The following PIK3C2G variants were observed in gnomAD, a reference collection of about 807,000 sequenced individuals.
PIK3C2G encodes phosphatidylinositol 3-kinase C2 domain-containing subunit gamma.
Under a neutral mutation model 181.1 loss-of-function variants are expected in PIK3C2G, and 168 were observed. The ratio of observed to expected loss-of-function variants is 0.93; its 90% CI spans 0.82 to 1.05. PIK3C2G has a LOEUF of 1.05. Among genes scored for constraint, PIK3C2G ranks in the 50% least tolerant of loss-of-function variants. The pLI, the probability that PIK3C2G is intolerant of heterozygous loss-of-function variation, is 0.00. For missense variants in PIK3C2G, 1,869 were observed against 1,732.8 expected, an observed-to-expected ratio of 1.08 and a Z score of -1.40; for synonymous variants, 573 against 592.2, an observed-to-expected ratio of 0.97 and a Z score of 0.47.
At chr12:18,634,376 C>A (rs1318991433) in intron 31 of PIK3C2G, among the ~76,000 whole-genome samples, 1 of 152,200 alleles carries the variant, frequency 6.6e-6, no homozygotes, top group African/African-American at 2.4e-5. Context: ...TTGGAGGCAA[C>A]GTACTCCTCA....
chr12:18,418,692 G>A (rs113367593), intron 16 of PIK3C2G, among the ~76,000 whole-genome samples: 4 of 152,074 alleles, frequency 2.6e-5, no homozygotes, highest in African/African-American at 7.2e-5. Context: ...AACAGAACTC[G>A]GCAACTGATT....
chr12:18,719,518 A>C, the PIK3C2G span: 2 of 1,586,144 alleles, frequency 1.3e-6, no homozygotes, highest in Admixed American at 1.7e-5. Flanking sequence ...ATAATCATTT[A>C]ATGGATGAGT....
chr12:18,582,818 T>C (rs933281940), intron 29 of PIK3C2G, among the ~76,000 whole-genome samples: 3 of 151,918 alleles, frequency 2.0e-5, no homozygotes, highest in Non-Finnish European at 4.4e-5. Flanking sequence ...TTTTCTTTTT[T>C]ATGTGGGACC....
At chr12:18,674,790 A>G in the PIK3C2G span, among the ~76,000 whole-genome samples, 1 of 152,260 alleles carries the variant, frequency 6.6e-6, no homozygotes, top group African/African-American at 2.4e-5. Context: ...TGAAAGTGGT[A>G]TGGTATGACT....
intron 18 of PIK3C2G, among the ~76,000 whole-genome samples, chr12:18,472,283 T>G (rs1938533002): frequency 1.3e-5 from 2 of 152,206 alleles, no homozygotes; most frequent in African/African-American, 2.4e-5. Flanking sequence ...CATCACATCT[T>G]AGAAAGAAAA....
chr12:18,632,493 C>T (rs78391099), intron 31 of PIK3C2G, among the ~76,000 whole-genome samples: 132 of 152,178 alleles, frequency 8.7e-4, no homozygotes, highest in Middle Eastern at 3.4e-3. Context: ...ATATAGAAAA[C>T]AGATATGGAT....
At chr12:18,590,156 G>A (rs1010825322) in intron 29 of PIK3C2G, among the ~76,000 whole-genome samples, 1 of 147,480 alleles carries the variant, frequency 6.8e-6, no homozygotes, top group African/African-American at 2.5e-5. Context: ...ACAACCACTT[G>A]AGGAATTAAG....
At chr12:18,582,565 C>A (rs1467078812) in intron 29 of PIK3C2G, among the ~76,000 whole-genome samples, 1 of 152,176 alleles carries the variant, frequency 6.6e-6, no homozygotes, top group Admixed American at 6.5e-5. Flanking sequence ...CCTATACATA[C>A]ACCTAAGAAA....
chr12:18,725,308 G>A, the PIK3C2G span, among the ~76,000 whole-genome samples: 1 of 152,182 alleles, frequency 6.6e-6, no homozygotes, highest in Admixed American at 6.5e-5. Flanking sequence ...AAAGCAATAA[G>A]AAAGAAGGTG....
Position 18,293,919 on chromosome 12 carries a change from A to T in PIK3C2G, c.938A>T (p.Asp313Val). Reference protein sequence around the residue: ...FMPCANYLVKDLIAEILHFCT... With the variant: ...FMPCANYLVKVLIAEILHFCT... ...TCTTTAGCTAATTATCTTGTCAAAG[A>T]TCTAATTGCAGAAATTCTGCATTTT... Residue 313 changes from aspartate (D) to valine (V), a missense_variant, in exon 5 of 33, where the codon GAT (aspartate) becomes GTT (valine). Physicochemically the swap from Asp to Val is radical, Grantham distance 152. Transcript: ENST00000538779. The T allele has an allele frequency of 6.5e-7, 1 of 1,538,164 alleles. No individual in the cohort carries two copies.
the PIK3C2G span, among the ~76,000 whole-genome samples, chr12:18,726,306 A>G: frequency 6.6e-6 from 1 of 152,180 alleles, no homozygotes; most frequent in Non-Finnish European, 1.5e-5. Flanking sequence ...AAATAAGAGT[A>G]ATAAAATCAT....
At chr12:18,573,811 T>C (rs1027412039) in intron 29 of PIK3C2G, among the ~76,000 whole-genome samples, 5 of 152,186 alleles carry the variant, frequency 3.3e-5, no homozygotes, top group African/African-American at 1.2e-4. Context: ...CTCTCATAGG[T>C]TGCTATTGTA....
chr12:18,369,467 T>C (rs901201253), intron 12 of PIK3C2G, among the ~76,000 whole-genome samples: 3 of 149,768 alleles, frequency 2.0e-5, no homozygotes, highest in African/African-American at 7.4e-5. Flanking sequence ...TGACATATGA[T>C]CATATAACGA....
intron 29 of PIK3C2G, among the ~76,000 whole-genome samples, chr12:18,572,856 T>G (rs554619664): frequency 6.6e-6 from 1 of 152,188 alleles, no homozygotes; most frequent in Non-Finnish European, 1.5e-5. Context: ...CTTTTATCTG[T>G]GTTTAATATG....
chr12:18,460,997 G>A (rs768833064), intron 18 of PIK3C2G, among the ~76,000 whole-genome samples: 1 of 151,992 alleles, frequency 6.6e-6, no homozygotes, highest in Non-Finnish European at 1.5e-5. Context: ...AACAAATTCC[G>A]GAACCTAGTT....
At chr12:18,308,848 T>C (rs925199105) in intron 5 of PIK3C2G, among the ~76,000 whole-genome samples, 10 of 151,794 alleles carry the variant, frequency 6.6e-5, no homozygotes, top group African/African-American at 2.2e-4. Context: ...AAATACTATA[T>C]ATTGCAAAAC....
intron 24 of PIK3C2G, among the ~76,000 whole-genome samples, chr12:18,505,762 A>G (rs1941786786): frequency 6.6e-6 from 1 of 152,170 alleles, no homozygotes; most frequent in South Asian, 2.1e-4. Context: ...TGAACCTTGA[A>G]TGGACAATGA....
At chr12:18,266,925 G>A (rs1948526684) in intron 1 of PIK3C2G, among the ~76,000 whole-genome samples, 1 of 150,192 alleles carries the variant, frequency 6.7e-6, no homozygotes, top group Non-Finnish European at 1.5e-5. Context: ...TATATTTTCT[G>A]GTTATGTATA....
intron 29 of PIK3C2G, 23 bp from the exon 30 acceptor site, chr12:18,594,471 T>G: frequency 7.0e-7 from 1 of 1,428,812 alleles, no homozygotes; most frequent in Non-Finnish European, 9.5e-7. Context: ...TAAAGAAATA[T>G]TATGTTTCAT....
Sources: gnomAD v4.1 joint callset for allele counts (sites outside exome capture counted in the v4.1 genomes callset) on GRCh38, gnomAD v4.1.1 for gene constraint, MANE v1.5 for transcripts, NCBI Gene and HGNC (gene_info 2026-07-23, HGNC 2026-07-21) for gene names.